The following SLC35D4 variants were observed in gnomAD, a reference collection of about 807,000 sequenced individuals.
SLC35D4 encodes the protein solute carrier family 35 member D4.
At chr18:23,289,574 A>G in the SLC35D4 span, among the ~76,000 whole-genome samples, 16 of 151,260 alleles carry the variant, frequency 1.1e-4, no homozygotes, top group African/African-American at 3.9e-4. Flanking sequence ...TCTCCATACC[A>G]CCCCCAAAAT....
At chr18:23,301,521 G>C in the SLC35D4 span, among the ~76,000 whole-genome samples, 3 of 152,284 alleles carry the variant, frequency 2.0e-5, no homozygotes, top group Admixed American at 2.0e-4. Flanking sequence ...CCTCAGTGTT[G>C]GTGAGGTTTG....
the SLC35D4 span, among the ~76,000 whole-genome samples, chr18:23,312,241 G>A: frequency 3.3e-5 from 5 of 152,170 alleles, no homozygotes; most frequent in African/African-American, 1.2e-4. Flanking sequence ...TCCTCCGTGA[G>A]CCTCTTTAGC....
At chr18:23,304,761 T>C in the SLC35D4 span, among the ~76,000 whole-genome samples, 1 of 152,066 alleles carries the variant, frequency 6.6e-6, no homozygotes, top group Non-Finnish European at 1.5e-5. Context: ...TACAAATCAC[T>C]AAGTCTCCAC....
chr18:23,433,420 T>G, the SLC35D4 span, among the ~76,000 whole-genome samples: 1 of 152,224 alleles, frequency 6.6e-6, no homozygotes, highest in East Asian at 1.9e-4. Context: ...TCTTTGTATT[T>G]TACAGATGCC....
the SLC35D4 span, among the ~76,000 whole-genome samples, chr18:23,286,501 G>A: frequency 1.8e-3 from 280 of 152,162 alleles, 1 homozygote; most frequent in South Asian, 3.1e-3. Flanking sequence ...CTCCTTCCCA[G>A]ATCTTCTCAG....
the SLC35D4 span, chr18:23,430,741 C>A: frequency 7.0e-7 from 1 of 1,427,426 alleles, no homozygotes; most frequent in South Asian, 1.2e-5. Flanking sequence ...ACCATATAAT[C>A]AAAGACATTT....
chr18:23,287,447 C>T, the SLC35D4 span, among the ~76,000 whole-genome samples: 5 of 152,220 alleles, frequency 3.3e-5, no homozygotes, highest in Non-Finnish European at 1.5e-5. Context: ...TTACTTCAGT[C>T]AAGCCCAAAT....
At chr18:23,370,255 T>A in the SLC35D4 span, 10 of 1,612,776 alleles carry the variant, frequency 6.2e-6, no homozygotes, top group Non-Finnish European at 8.5e-6. Context: ...TAGAATTTTA[T>A]AAGCCCCTGA....
the SLC35D4 span, among the ~76,000 whole-genome samples, chr18:23,287,910 C>A: frequency 6.6e-6 from 1 of 152,236 alleles, no homozygotes; most frequent in Non-Finnish European, 1.5e-5. Flanking sequence ...CTCCATGCAG[C>A]GGCTGCTGCC....
chr18:23,283,160 G>A, the SLC35D4 span, among the ~76,000 whole-genome samples: 1 of 152,098 alleles, frequency 6.6e-6, no homozygotes. Flanking sequence ...AAAATAATTC[G>A]GGGCAAGTGC....
the SLC35D4 span, chr18:23,371,350 CT>C: frequency 7.8e-7 from 1 of 1,285,956 alleles, no homozygotes; most frequent in Non-Finnish European, 1.0e-6. Flanking sequence ...TTGCCTTGGC[CT>C]CCCAAAGTGC....
the SLC35D4 span, chr18:23,371,446 C>A: frequency 6.3e-7 from 1 of 1,595,154 alleles, no homozygotes; most frequent in South Asian, 1.1e-5. Context: ...TGAATTATAG[C>A]CCAAAAATAT....
chr18:23,313,362 A>T, the SLC35D4 span, among the ~76,000 whole-genome samples: 1 of 151,874 alleles, frequency 6.6e-6, no homozygotes, highest in African/African-American at 2.4e-5. Context: ...CAAAACAAGC[A>T]TTTAAAAGCA....
the SLC35D4 span, among the ~76,000 whole-genome samples, chr18:23,286,775 A>C: frequency 0.024 from 3,621 of 150,336 alleles, 32 homozygotes; most frequent in Middle Eastern, 0.058. Flanking sequence ...TCTTTTAAGC[A>C]CTCCTTTTAG....
At chr18:23,384,443 A>C in the SLC35D4 span, among the ~76,000 whole-genome samples, 1 of 152,232 alleles carries the variant, frequency 6.6e-6, no homozygotes, top group African/African-American at 2.4e-5. Context: ...CACCTACTGC[A>C]TGCAGGAAAT....
chr18:23,247,819 T>C, the SLC35D4 span, among the ~76,000 whole-genome samples: 1 of 152,182 alleles, frequency 6.6e-6, no homozygotes, highest in Non-Finnish European at 1.5e-5. Flanking sequence ...GAAGAGTCTG[T>C]CACCTAGAAG....
At chr18:23,263,463 C>A in the SLC35D4 span, among the ~76,000 whole-genome samples, 4 of 152,246 alleles carry the variant, frequency 2.6e-5, no homozygotes, top group African/African-American at 9.6e-5. Flanking sequence ...CCTGGTAGAA[C>A]ATGAAATGTT....
chr18:23,337,002 AGTGTGTGT>A, the SLC35D4 span, among the ~76,000 whole-genome samples: 7 of 147,912 alleles, frequency 4.7e-5, no homozygotes, highest in East Asian at 2.0e-4. Flanking sequence ...TTTCCCCTGT[AGTGTGTGT>A]GTGTGTGTGT....
the SLC35D4 span, among the ~76,000 whole-genome samples, chr18:23,343,872 A>G: frequency 1.3e-5 from 2 of 149,890 alleles, no homozygotes; most frequent in Non-Finnish European, 3.0e-5. Flanking sequence ...AGCTCCATCC[A>G]TGTTGCTGCA....
Sources: allele counts gnomAD v4.1 joint callset (sites outside exome capture counted in the v4.1 genomes callset), GRCh38; gene constraint gnomAD v4.1.1; transcripts MANE v1.5; gene names NCBI Gene and HGNC (gene_info 2026-07-23, HGNC 2026-07-21).